PHACTR2: variants seen among roughly 807,000 people sequenced by gnomAD.
PHACTR2 encodes phosphatase and actin regulator 2.
In PHACTR2, 30 loss-of-function variants were observed where a neutral mutation model predicts 76.0. The observed-to-expected ratio is 0.39, with a 90% CI of 0.30 to 0.54. The LOEUF (loss-of-function observed/expected upper bound fraction) is 0.54, where lower values mean the gene tolerates loss of function less well. PHACTR2 is among the 20% of genes least tolerant of loss of function. The pLI, the probability that PHACTR2 is intolerant of heterozygous loss-of-function variation, is 0.61. For missense variants in PHACTR2, 696 were observed against 781.1 expected, an observed-to-expected ratio of 0.89 and a Z score of 1.30; for synonymous variants, 292 against 292.5, an observed-to-expected ratio of 1.00 and a Z score of 0.02.
rs1450212788 is a variant in PHACTR2, at chr6:143,731,783, G to C, written c.215-17202G>C. Among the ~76,000 whole-genome samples the C allele has an allele frequency of 6.6e-6, 1 of 152,168 alleles. No homozygotes were observed. The highest frequency in any genetic ancestry group is 1.5e-5 in the Non-Finnish European group (1 of 68,026). On this transcript the variant is annotated intron_variant, in intron 2 of 12. Coordinates refer to ENST00000440869, the MANE Select transcript of PHACTR2 (RefSeq NM_001100164.2). This position sits in a 1 kb window ranked among gnomAD's most constrained non-coding sequence, Gnocchi z 4.9. ...CTCTTCTGTTCCTGGAAGAGACTGT[G>C]TAGATTTGTTGTTATTTTCTTCTTG...
chr6:143,686,982 T>C (rs1364682940), intron 1 of PHACTR2, among the ~76,000 whole-genome samples: 1 of 152,226 alleles, frequency 6.6e-6, no homozygotes, highest in Non-Finnish European at 1.5e-5. Flanking sequence ...GGTTTTCAGC[T>C]ACTTTTTTTT....
chr6:143,717,584 G>C (rs1322156863), intron 2 of PHACTR2, among the ~76,000 whole-genome samples: 1 of 148,288 alleles, frequency 6.7e-6, no homozygotes, highest in African/African-American at 2.5e-5. Context: ...TTTTTTTTTG[G>C]TGGGGGAAGG....
chr6:143,565,658 A>C (rs1775353926), intron 1 of PHACTR2, among the ~76,000 whole-genome samples: 1 of 151,110 alleles, frequency 6.6e-6, no homozygotes. Flanking sequence ...GAGCAGGGGC[A>C]TTAGGTGGGC....
In PHACTR2 at chr6:143,816,067, G is replaced by A. The variant is rs1776288812; in HGVS notation, c.1923-7607G>A. Among the ~76,000 whole-genome samples, 1 of 152,048 alleles carries A rather than the reference G, an allele frequency of 6.6e-6. No homozygotes were observed. Among genetic ancestry groups the A allele is most frequent in the African/African-American group, 2.4e-5 (1 of 41,402 alleles). ...TGAAAATAAGAAAAAATGTATTGCA[G>A]TTTTAAAAGAAAGAAGAAAATATGT... On this transcript the variant is annotated intron_variant, in intron 12 of 12. Coordinates refer to ENST00000440869, the MANE Select transcript of PHACTR2 (RefSeq NM_001100164.2). This position sits in a 1 kb window ranked among gnomAD's most constrained non-coding sequence, Gnocchi z 4.5.
Position 143,777,282 on chromosome 6 carries a change from G to C in PHACTR2, c.1590-46G>C, listed in dbSNP as rs1229081040. 1 of 1,007,288 alleles carries C rather than the reference G, an allele frequency of 9.9e-7. No homozygotes were observed. The highest frequency in any genetic ancestry group is 1.5e-6 in the Non-Finnish European group (1 of 648,974). The allele number at this position is 1,007,288 out of a possible 1,614,324, so 62.4% of individuals were successfully genotyped here. On this transcript the variant is annotated intron_variant, in intron 8 of 12. Coordinates refer to ENST00000440869, the MANE Select transcript of PHACTR2 (RefSeq NM_001100164.2). The surrounding 1 kb of genome is among the most constrained non-coding windows in gnomAD (Gnocchi z 4.6). Reference sequence around the variant, plus strand: ...TTGTTTTATTCTGAGTCTCCTACTAGGGTACCTTGTTTTTAACCTGTAATA... The same window carrying C: ...TTGTTTTATTCTGAGTCTCCTACTACGGTACCTTGTTTTTAACCTGTAATA...
At chr6:143,734,344 C>G (rs897928441) in intron 2 of PHACTR2, among the ~76,000 whole-genome samples, 1 of 152,162 alleles carries the variant, frequency 6.6e-6, no homozygotes, top group Non-Finnish European at 1.5e-5. Flanking sequence ...GTTGAGGAGT[C>G]TCCCTTGCTT....
chr6:143,538,903 T>C (rs1345453565), intron 1 of PHACTR2, among the ~76,000 whole-genome samples: 1 of 152,238 alleles, frequency 6.6e-6, no homozygotes, highest in Non-Finnish European at 1.5e-5. Flanking sequence ...TGAAAAGCAT[T>C]GAGTCCGAAT....
At chr6:143,687,687 T>A (rs771277598) in intron 1 of PHACTR2, among the ~76,000 whole-genome samples, 1 of 152,214 alleles carries the variant, frequency 6.6e-6, no homozygotes, top group Non-Finnish European at 1.5e-5. Flanking sequence ...AGGGGCTGGA[T>A]GTTTTTATTC....
rs183584598 is a variant in PHACTR2 at position 143,706,515 on chromosome 6, A to C, written c.47-5501A>C. Among the ~76,000 whole-genome samples the C allele has an allele frequency of 1.7e-3, 265 of 152,296 alleles. 3 individuals carry two copies. Among genetic ancestry groups the C allele is most frequent in the Non-Finnish European group, 1.6e-4 (11 of 68,030 alleles). Reference sequence around the variant, plus strand: ...TCATTCTAGCTTTACTCTCTCGCTTATCTGTAACTTCTCTCTCCAGTAGTG... The same window carrying C: ...TCATTCTAGCTTTACTCTCTCGCTTCTCTGTAACTTCTCTCTCCAGTAGTG... On this transcript the variant is annotated intron_variant, in intron 1 of 12. Coordinates refer to ENST00000440869, the MANE Select transcript of PHACTR2 (RefSeq NM_001100164.2).
In PHACTR2 at chr6:143,689,029, C is replaced by T. The variant is rs1010033628; in HGVS notation, c.46+10820C>T. Among the ~76,000 whole-genome samples the T allele has an allele frequency of 1.3e-5, 2 of 152,166 alleles. No individual in the cohort carries two copies. Among genetic ancestry groups the T allele is most frequent in the African/African-American group, 4.8e-5 (2 of 41,442 alleles). On this transcript the variant is annotated intron_variant, in intron 1 of 12. Coordinates refer to ENST00000440869, the MANE Select transcript of PHACTR2 (RefSeq NM_001100164.2). The surrounding 1 kb of genome is among the most constrained non-coding windows in gnomAD (Gnocchi z 4.4). Reference sequence around the variant, plus strand: ...GCTCTGGTCCCCTCACTGCCTTTTTCAGTCCTCAAACAAGCCTGGATCAGT... The same window carrying T: ...GCTCTGGTCCCCTCACTGCCTTTTTTAGTCCTCAAACAAGCCTGGATCAGT...
intron 1 of PHACTR2, among the ~76,000 whole-genome samples, chr6:143,667,701 C>T (rs992804200): frequency 6.6e-5 from 10 of 152,174 alleles, no homozygotes; most frequent in Non-Finnish European, 2.9e-5. Context: ...TATAGGAATG[C>T]TTATGATTTT....
At chr6:143,686,784 C>T (rs1777536926) in intron 1 of PHACTR2, among the ~76,000 whole-genome samples, 2 of 152,222 alleles carry the variant, frequency 1.3e-5, no homozygotes, top group Middle Eastern at 3.4e-3. Context: ...TGCGCCCACC[C>T]AGGAACTTCA....
rs1443090608 is a variant in PHACTR2 at position 143,709,684 on chromosome 6, G to T, written c.47-2332G>T. Reference sequence around the variant, plus strand: ...CTGTGTATGTGTGTGGGGTGTCCTTGTTACTGTTGGGCACAGGTAGAATTT... The same window carrying T: ...CTGTGTATGTGTGTGGGGTGTCCTTTTTACTGTTGGGCACAGGTAGAATTT... On this transcript the variant is annotated intron_variant, in intron 1 of 12. Coordinates refer to ENST00000440869, the MANE Select transcript of PHACTR2 (RefSeq NM_001100164.2). This position sits in a 1 kb window ranked among gnomAD's most constrained non-coding sequence, Gnocchi z 4.4. Among the ~76,000 whole-genome samples the T allele has an allele frequency of 6.6e-6, 1 of 152,152 alleles. No individual in the cohort carries two copies. Among genetic ancestry groups the T allele is most frequent in the Non-Finnish European group, 1.5e-5 (1 of 68,036 alleles).
Position 143,671,831 on chromosome 6 carries a change from C to G in PHACTR2, c.14-40185C>G, listed in dbSNP as rs943443427. On this transcript the variant is annotated intron_variant, in intron 1 of 11. Transcript: ENST00000305766. This position sits in a 1 kb window ranked among gnomAD's most constrained non-coding sequence, Gnocchi z 4.6. The stretch of plus-strand genomic sequence containing the variant: ...GTGAAATACAGTTACATCCCAAATG[C>G]CCATTAACTGGTAAACAGATAAACA... Among the ~76,000 whole-genome samples, 2 of 152,096 alleles carry G rather than the reference C, an allele frequency of 1.3e-5. No homozygotes were observed. Among genetic ancestry groups the G allele is most frequent in the East Asian group, 1.9e-4 (1 of 5,184 alleles).
At chr6:143,766,840 T>C (rs1779573738) in intron 6 of PHACTR2, among the ~76,000 whole-genome samples, 1 of 152,132 alleles carries the variant, frequency 6.6e-6, no homozygotes, top group Admixed American at 6.5e-5. Context: ...GTCTCACGAG[T>C]ATGAAGGGAT....
Position 143,789,068 on chromosome 6 carries a change from TA to T in PHACTR2, c.1845+159del, listed in dbSNP as rs1775619819. On this transcript the variant is annotated intron_variant, in intron 11 of 12. Coordinates refer to ENST00000440869, the MANE Select transcript of PHACTR2 (RefSeq NM_001100164.2). This position sits in a 1 kb window ranked among gnomAD's most constrained non-coding sequence, Gnocchi z 5.1. ...ATTTAAGCCACTTAAGTGATACATTTAGTGATATCAATGTAGTTCTTTCAAC... is the reference window on the plus strand; with the variant it reads ...ATTTAAGCCACTTAAGTGATACATTTGTGATATCAATGTAGTTCTTTCAAC... The T allele has an allele frequency of 1.8e-6, 1 of 569,712 alleles. No homozygotes were observed. The highest frequency in any genetic ancestry group is 1.9e-5 in the African/African-American group (1 of 54,008). The allele number at this position is 569,712 out of a possible 1,614,324, so 35.3% of individuals were successfully genotyped here. A position where few individuals can be genotyped will look rare whatever the true frequency, so the allele number is the denominator to read the frequency against.
intron 11 of PHACTR2, among the ~76,000 whole-genome samples, chr6:143,799,074 G>A (rs546026575): frequency 2.2e-4 from 34 of 152,222 alleles, no homozygotes; most frequent in African/African-American, 7.7e-4. Flanking sequence ...GCTTATTTTG[G>A]TCTATTCAGA....
chr6:143,574,485 C>T (rs142066245), intron 1 of PHACTR2, among the ~76,000 whole-genome samples: 13 of 152,166 alleles, frequency 8.5e-5, no homozygotes, highest in Non-Finnish European at 1.9e-4. Flanking sequence ...TGTCTCTCAA[C>T]ATTGATACCT....
intron 12 of PHACTR2, among the ~76,000 whole-genome samples, chr6:143,808,262 G>A (rs574013520): frequency 6.6e-5 from 10 of 151,922 alleles, no homozygotes; most frequent in Non-Finnish European, 1.0e-4. Context: ...CCAAGTAGCT[G>A]GGATTACAGG....
Sources: gnomAD v4.1 joint callset for allele counts (sites outside exome capture counted in the v4.1 genomes callset) on GRCh38, gnomAD v4.1.1 for gene constraint, Gnocchi (gnomAD v3.1) non-coding constraint, MANE v1.5 for transcripts, NCBI Gene and HGNC (gene_info 2026-07-23, HGNC 2026-07-21) for gene names.